The following TRIM33 variants were observed in gnomAD, a reference collection of about 807,000 sequenced individuals.
The protein encoded by TRIM33 is tripartite motif containing 33.
A neutral mutation model predicts 125.4 loss-of-function variants in TRIM33; 20 were observed. The observed-to-expected ratio is 0.16, with a 90% confidence interval of 0.11 to 0.23. TRIM33 has a LOEUF of 0.23. TRIM33 is among the 10% of genes least tolerant of loss of function. The probability of loss-of-function intolerance (pLI) is 1.00; values close to 1 mark genes in which losing one functional copy is unlikely to be tolerated. For synonymous variants in TRIM33, 564 were observed against 513.9 expected (o/e 1.10, Z -1.32); for missense variants, 920 against 1,411.4 (o/e 0.65, Z 5.58).
intron 1 of TRIM33, among the ~76,000 whole-genome samples, chr1:114,496,631 TATA>T (rs1276885416): frequency 6.6e-6 from 1 of 152,210 alleles, no homozygotes; most frequent in African/African-American, 2.4e-5. Context: ...AAATTCAAAA[TATA>T]ATAATTGAGT....
chr1:114,496,516 A>C (rs1472631746), intron 1 of TRIM33, among the ~76,000 whole-genome samples: 1 of 152,244 alleles, frequency 6.6e-6, no homozygotes, highest in Admixed American at 6.5e-5. Context: ...GGGATGTGGC[A>C]TCACAAGGCA....
intron 4 of TRIM33, among the ~76,000 whole-genome samples, chr1:114,438,882 C>T (rs1487165923): frequency 2.0e-5 from 3 of 152,022 alleles, no homozygotes; most frequent in East Asian, 3.9e-4. Flanking sequence ...TATATTGTTC[C>T]TTATTTAAAG....
chr1:114,414,885 A>C (rs1263084272), intron 11 of TRIM33, among the ~76,000 whole-genome samples: 2 of 152,164 alleles, frequency 1.3e-5, no homozygotes, highest in African/African-American at 4.8e-5. Flanking sequence ...GGCTGGTGAA[A>C]AAGAAAAGGA....
intron 1 of TRIM33, among the ~76,000 whole-genome samples, chr1:114,477,762 G>A (rs1311109719): frequency 1.3e-5 from 2 of 152,170 alleles, no homozygotes; most frequent in African/African-American, 4.8e-5. Flanking sequence ...CTGAGCACTT[G>A]CAAAATGGCT....
chr1:114,447,211 A>G (rs1170793275), intron 4 of TRIM33, among the ~76,000 whole-genome samples: 3 of 152,204 alleles, frequency 2.0e-5, no homozygotes, highest in Admixed American at 2.0e-4. Context: ...AGACTACTGC[A>G]GTAATCTAGG....
chr1:114,397,587 G>GTGTTT lies in TRIM33; in HGVS notation c.*56_*60dup. ...CACTTAAAAGTTTTCTGGGTTTTTTGTGTTTTTTTTTTTTTTTTCGTTTTT... is the reference window on the plus strand; with the variant it reads ...CACTTAAAAGTTTTCTGGGTTTTTTGTGTTTTGTTTTTTTTTTTTTTTTCGTTTTT... On this transcript the variant is annotated 3_prime_UTR_variant, in exon 20 of 20. Transcript: ENST00000358465. The GTGTTT allele has an allele frequency of 4.2e-6, 4 of 951,934 alleles. No homozygotes were observed. Among genetic ancestry groups the GTGTTT allele is most frequent in the South Asian group, 3.9e-5 (2 of 51,734 alleles). The allele number at this position is 951,934 out of a possible 1,614,324, so 59.0% of individuals were successfully genotyped here.
intron 1 of TRIM33, among the ~76,000 whole-genome samples, chr1:114,479,585 C>A (rs1183889493): frequency 1.3e-5 from 2 of 152,124 alleles, no homozygotes; most frequent in African/African-American, 2.4e-5. Flanking sequence ...GAGAAAGTCA[C>A]ACTTAGCATA....
intron 10 of TRIM33, among the ~76,000 whole-genome samples, chr1:114,423,265 A>AT (rs1647322867): frequency 1.3e-5 from 2 of 152,062 alleles, no homozygotes; most frequent in Admixed American, 6.6e-5. Context: ...TTATAAAAAA[A>AT]TTTTTTTCCT....
At chr1:114,419,484 C>T (rs766924835) in intron 11 of TRIM33, among the ~76,000 whole-genome samples, 1 of 152,278 alleles carries the variant, frequency 6.6e-6, no homozygotes, top group East Asian at 1.9e-4. Context: ...AAGCATTAAA[C>T]TTATATATTG....
chr1:114,498,126 CAAA>C (rs71090785), intron 1 of TRIM33, among the ~76,000 whole-genome samples: 1 of 74,170 alleles, frequency 1.3e-5, no homozygotes, highest in African/African-American at 5.1e-5. Flanking sequence ...GACTCTGTCT[CAAA>C]AAAAAAAAAA....
intron 1 of TRIM33, among the ~76,000 whole-genome samples, chr1:114,489,369 T>A (rs1256068733): frequency 6.6e-6 from 1 of 152,224 alleles, no homozygotes; most frequent in Non-Finnish European, 1.5e-5. Context: ...TACATCTTCA[T>A]GACCTTGGAT....
chr1:114,490,084 C>CAAAAAAAAAAAAAAAAA (rs776451339), intron 1 of TRIM33, among the ~76,000 whole-genome samples: 1 of 37,640 alleles, frequency 2.7e-5, no homozygotes, highest in Non-Finnish European at 5.2e-5. Context: ...GACTCCGTCT[C>CAAAAAAAAAAAAAAAAA]AAAAAAAAAA....
intron 11 of TRIM33, among the ~76,000 whole-genome samples, chr1:114,415,274 G>A (rs1421252833): frequency 6.6e-6 from 1 of 152,066 alleles, no homozygotes; most frequent in African/African-American, 2.4e-5. Context: ...TGGGACTACA[G>A]GCAGAGCCAC....
intron 1 of TRIM33, among the ~76,000 whole-genome samples, chr1:114,481,671 GTGTGTATATA>G (rs1557892261): frequency 1.6e-4 from 19 of 121,112 alleles, no homozygotes; most frequent in South Asian, 2.5e-4. Context: ...GTATATATAT[GTGTGTATATA>G]TATATATATG....
At chr1:114,420,348 TG>T in intron 11 of TRIM33, 1 of 1,275,160 alleles carries the variant, frequency 7.8e-7, no homozygotes, top group Non-Finnish European at 1.0e-6. Flanking sequence ...ACTACCCCTT[TG>T]GATCTAACAG....
chr1:114,429,141 T>C (rs1393142712), intron 6 of TRIM33, among the ~76,000 whole-genome samples: 1 of 151,982 alleles, frequency 6.6e-6, no homozygotes, highest in Non-Finnish European at 1.5e-5. Flanking sequence ...AACAGACTGG[T>C]GTACAGTAGG....
At chr1:114,480,924 G>C (rs1008625131) in intron 1 of TRIM33, among the ~76,000 whole-genome samples, 2 of 152,102 alleles carry the variant, frequency 1.3e-5, no homozygotes, top group African/African-American at 4.8e-5. Context: ...AGCTGGAGTA[G>C]TCACACTAAC....
chr1:114,472,929 AC>A (rs1287526962), intron 1 of TRIM33, among the ~76,000 whole-genome samples: 3 of 152,050 alleles, frequency 2.0e-5, no homozygotes, highest in Non-Finnish European at 4.4e-5. Context: ...CTGAGCAGAA[AC>A]AAAAAAAAAA....
rs1647538171 is a variant in TRIM33 at position 114,425,814 on chromosome 1, A to C, written c.1421-91T>G. The C allele has an allele frequency of 3.4e-6, 3 of 888,750 alleles. No homozygotes were observed. The South Asian group carries it at 5.2e-5, about 15-fold the overall frequency. The allele number at this position is 888,750 out of a possible 1,614,324, so 55.1% of individuals were successfully genotyped here. A position where few individuals can be genotyped will look rare whatever the true frequency, so the allele number is the denominator to read the frequency against. On this transcript the variant is annotated intron_variant, in intron 8 of 19. Transcript: ENST00000358465. ...ACCATGTTTTCCTCTTTCCTCTGACAACTATCAGCACCTCAAAGCTCCAAC... is the reference window on the plus strand; with the variant it reads ...ACCATGTTTTCCTCTTTCCTCTGACCACTATCAGCACCTCAAAGCTCCAAC...
Sources: gnomAD v4.1 joint callset for allele counts (sites outside exome capture counted in the v4.1 genomes callset) on GRCh38, gnomAD v4.1.1 for gene constraint, MANE v1.5 for transcripts, NCBI Gene and HGNC (gene_info 2026-07-23, HGNC 2026-07-21) for gene names.